The following TACO1 variants were observed in gnomAD, a reference collection of about 807,000 sequenced individuals.
TACO1 encodes the protein translational activator of cytochrome c oxidase I.
TACO1 carries 13 observed loss-of-function variants against 24.0 expected under a neutral mutation model. The observed-to-expected ratio is 0.54, with a 90% CI of 0.35 to 0.86. TACO1 has a LOEUF of 0.86. Among genes scored for constraint, TACO1 ranks in the 40% least tolerant of loss-of-function variants. The probability of loss-of-function intolerance (pLI) is 0.01; values close to 1 mark genes in which losing one functional copy is unlikely to be tolerated. For synonymous variants in TACO1, 149 were observed against 153.5 expected, an observed-to-expected ratio of 0.97 and a Z score of 0.22; for missense variants, 352 against 380.1, an observed-to-expected ratio of 0.93 and a Z score of 0.61.
At position 63,608,177 on chromosome 17, in the gene TACO1, T is replaced by C; in HGVS notation, c.*175T>C. 1.4e-6 allele frequency: 1 copy of C among 710,930 alleles called. No homozygotes were observed. The allele number at this position is 710,930 out of a possible 1,614,324, so 44.0% of individuals were successfully genotyped here. A position where few individuals can be genotyped will look rare whatever the true frequency, so the allele number is the denominator to read the frequency against. On this transcript the variant is annotated 3_prime_UTR_variant, in exon 5 of 5. Transcript: ENST00000258975. ...AGGAATCTCACTTGTGGGGCCTCCT[T>C]GTCAGCTCTGCTGCTGTCTCAGAGC...
At chr17:63,604,910 G>T (rs1399724882) in intron 2 of TACO1, among the ~76,000 whole-genome samples, 1 of 152,032 alleles carries the variant, frequency 6.6e-6, no homozygotes, top group African/African-American at 2.4e-5. Context: ...AGCTACTGGG[G>T]AGGCTGAGGT....
chr17:63,607,794 A>T lies in TACO1; in HGVS notation c.694-8A>T. 2 of 1,613,440 alleles carry T rather than the reference A, an allele frequency of 1.2e-6. No individual in the cohort carries two copies. The highest frequency in any genetic ancestry group is 1.7e-6 in the Non-Finnish European group (2 of 1,179,898). ...GCTCCTCACCTCCTGACTTTCCTTTATCCCTAGTTTATTTGTGATGCCTCT... is the reference window on the plus strand; with the variant it reads ...GCTCCTCACCTCCTGACTTTCCTTTTTCCCTAGTTTATTTGTGATGCCTCT... On this transcript the variant is annotated splice_region_variant and splice_polypyrimidine_tract_variant and intron_variant, in intron 4 of 4. Coordinates refer to ENST00000258975, the MANE Select transcript of TACO1 (RefSeq NM_016360.4).
At chr17:63,605,302 G>A (rs983234180) in intron 2 of TACO1, among the ~76,000 whole-genome samples, 1 of 152,182 alleles carries the variant, frequency 6.6e-6, no homozygotes, top group African/African-American at 2.4e-5. Context: ...AGAAAAGCCA[G>A]TAGAAAGGGA....
intron 1 of TACO1, 69 bp from the exon 2 acceptor site, chr17:63,604,465 C>T: frequency 7.2e-7 from 1 of 1,397,476 alleles, no homozygotes; most frequent in Non-Finnish European, 1.0e-6. Flanking sequence ...CTGGAAATCC[C>T]TTTTATTCTC....
At chr17:63,603,211 G>A (rs1481527299) in intron 1 of TACO1, among the ~76,000 whole-genome samples, 2 of 151,774 alleles carry the variant, frequency 1.3e-5, no homozygotes, top group East Asian at 1.9e-4. Context: ...ACTCCAGCCT[G>A]GGCAACAGAG....
chr17:63,608,122 C>G lies in TACO1; in HGVS notation c.*120C>G, dbSNP rs948434691. 1.8e-6 allele frequency: 2 copies of G among 1,132,378 alleles called. No individual in the cohort carries two copies. Among genetic ancestry groups the G allele is most frequent in the African/African-American group, 3.1e-5 (2 of 65,274 alleles). 70.1% of individuals were successfully genotyped at this position (1,132,378 alleles called of 1,614,324 possible). The stretch of plus-strand genomic sequence containing the variant: ...GGGAGGCTCAGCAGGCCAGGAGGCC[C>G]AAGGACAGGACTTGCGACCTTGAAG... On this transcript the variant is annotated 3_prime_UTR_variant, in exon 5 of 5. Transcript: ENST00000258975.
At chr17:63,602,135 C>T (rs1260500496) in intron 1 of TACO1, among the ~76,000 whole-genome samples, 1 of 149,964 alleles carries the variant, frequency 6.7e-6, no homozygotes, top group Non-Finnish European at 1.5e-5. Context: ...TGGTGCATGC[C>T]TGTAATGCTG....
chr17:63,603,036 T>C (rs2033833715), intron 1 of TACO1, among the ~76,000 whole-genome samples: 1 of 151,660 alleles, frequency 6.6e-6, no homozygotes, highest in South Asian at 2.1e-4. Context: ...ATCGAGACCA[T>C]CCTGGCTAAC....
Position 63,604,509 on chromosome 17 carries a change from TTTTTTC to T in TACO1, c.281-15_281-10del. ...TAATGAGATGTCTTTGCTCACTCTTTTTTTTCTTTTTCTTTAAATCTCAGAAGGAGG... is the reference window on the plus strand; with the variant it reads ...TAATGAGATGTCTTTGCTCACTCTTTTTTTTCTTTAAATCTCAGAAGGAGG... On this transcript the variant is annotated intron_variant, in intron 1 of 4. Transcript: ENST00000258975. The T allele has an allele frequency of 1.3e-6, 2 of 1,597,680 alleles. No individual in the cohort carries two copies. The highest frequency in any genetic ancestry group is 1.7e-6 in the Non-Finnish European group (2 of 1,165,144).
chr17:63,601,292 A>C lies in TACO1; in HGVS notation c.209A>C (p.Lys70Thr). ...AAGTGGTCCAAAGTCAGGCACATCA[A>C]GGGTCCGAAGGACGTCGAAAGGAGT... ...HNKWSKVRHI[K>T]GPKDVERSRI... Residue 70 changes from lysine (K) to threonine (T), a missense_variant, in exon 1 of 5, where the codon AAG becomes ACG. By Grantham distance (78) the Lys-to-Thr change is moderately conservative. Coordinates refer to ENST00000258975, the MANE Select transcript of TACO1 (RefSeq NM_016360.4). The C allele has an allele frequency of 1.2e-6, 2 of 1,612,968 alleles. No individual in the cohort carries two copies. Among genetic ancestry groups the C allele is most frequent in the Non-Finnish European group, 8.5e-7 (1 of 1,179,946 alleles).
intron 4 of TACO1, 134 bp from the exon 5 acceptor site, chr17:63,607,668 C>A: frequency 2.0e-6 from 2 of 997,904 alleles, no homozygotes; most frequent in Non-Finnish European, 3.1e-6. Context: ...ACATTGAAAA[C>A]GATGTCCCTG....
chr17:63,601,031 C>A lies in TACO1; in HGVS notation c.-53C>A, dbSNP rs986686411. The A allele has an allele frequency of 1.3e-6, 2 of 1,530,660 alleles. No homozygotes were observed. Among genetic ancestry groups the A allele is most frequent in the Non-Finnish European group, 8.8e-7 (1 of 1,142,506 alleles). The allele number at this position is 1,530,660 out of a possible 1,614,324, so 94.8% of individuals were successfully genotyped here. A position where few individuals can be genotyped will look rare whatever the true frequency, so the allele number is the denominator to read the frequency against. On this transcript the variant is annotated 5_prime_UTR_variant, in exon 1 of 5. Transcript: ENST00000258975. ...CTGCTTGTTCCGGCAGTGGAAGAGA[C>A]GCGCCGGCGTTGGCCGCTGCTGCTA...
At chr17:63,606,115 T>C (rs912851203) in intron 2 of TACO1, among the ~76,000 whole-genome samples, 198 bp from the exon 3 acceptor site, 2 of 152,096 alleles carry the variant, frequency 1.3e-5, no homozygotes, top group African/African-American at 4.8e-5. Context: ...AGAAACAGAC[T>C]CCTTCCAAGT....
chr17:63,606,504 C>T, intron 3 of TACO1, 64 bp downstream of exon 3: 1 of 1,594,326 alleles, frequency 6.3e-7, no homozygotes, highest in South Asian at 1.1e-5. Context: ...CTCTGCAAGG[C>T]AAGTACTGTT....
chr17:63,606,247 A>G (rs1390828963), intron 2 of TACO1, 66 bp from the exon 3 acceptor site: 7 of 1,601,010 alleles, frequency 4.4e-6, no homozygotes, highest in Non-Finnish European at 5.1e-6. Flanking sequence ...CGATACTTGT[A>G]GTTCTGGGCT....
In TACO1 at chr17:63,606,451, G is replaced by A. The variant is rs772746935; in HGVS notation, c.515+11G>A. ...CCTGAATAAGAATGGGTAAGTGTGC[G>A]TCTGGGAGGAGTGGTAGGGGACAGA... is the stretch of plus-strand genomic sequence containing the variant. On this transcript the variant is annotated intron_variant, in intron 3 of 4. Transcript: ENST00000258975. The A allele has an allele frequency of 3.7e-5, 59 of 1,614,078 alleles. No homozygotes were observed. The highest frequency in any genetic ancestry group is 8.9e-5 in the East Asian group (4 of 44,886).
intron 1 of TACO1, among the ~76,000 whole-genome samples, chr17:63,602,933 T>C (rs2033832792): frequency 6.6e-6 from 1 of 152,164 alleles, no homozygotes; most frequent in African/African-American, 2.4e-5. Flanking sequence ...CATGTGAACA[T>C]TTCAATAATT....
At position 63,601,093 on chromosome 17, in the gene TACO1, T is replaced by C. The variant is rs1178750757; in HGVS notation, c.10T>C (p.Trp4Arg). 1 of 1,541,348 alleles carries C rather than the reference T, an allele frequency of 6.5e-7. No individual in the cohort carries two copies. Among genetic ancestry groups the C allele is most frequent in the East Asian group, 2.4e-5 (1 of 40,854 alleles). MSA[W>R]AAASLSRAAA... The stretch of plus-strand genomic sequence containing the variant: ...CCCAGGGTCGGGACCGATGTCGGCT[T>C]GGGCTGCTGCCAGCCTAAGCAGGGC... Residue 4 changes from tryptophan to arginine, a missense_variant, in exon 1 of 5, where the codon TGG (tryptophan) becomes CGG (arginine). Physicochemically the swap from Trp to Arg is moderately radical, Grantham distance 101. Coordinates refer to ENST00000258975, the MANE Select transcript of TACO1 (RefSeq NM_016360.4).
Position 63,601,148 on chromosome 17 carries a change from C to T in TACO1, c.65C>T (p.Pro22Leu). The change falls in exon 1 of 5, where the codon CCC (proline) becomes CTC (leucine). Residue 22 changes from proline to leucine, a missense_variant. Pro to Leu is a moderately conservative substitution (Grantham distance 98). Transcript: ENST00000258975. ...GCCCGATGCTTGCTGGCACGAGGCC[C>T]CGGGGTCAGGGCGGCTCCTCCGCGC... ...AAARCLLARG[P>L]GVRAAPPRDP... The T allele has an allele frequency of 6.5e-7, 1 of 1,544,096 alleles. No homozygotes were observed. Among genetic ancestry groups the T allele is most frequent in the Admixed American group, 2.0e-5 (1 of 50,854 alleles).
Sources: allele counts gnomAD v4.1 joint callset (sites outside exome capture counted in the v4.1 genomes callset), GRCh38; gene constraint gnomAD v4.1.1; transcripts MANE v1.5; gene names NCBI Gene and HGNC (gene_info 2026-07-23, HGNC 2026-07-21).